Variants in NRXN1 observed in about 807,000 individuals in gnomAD.
NRXN1 encodes neurexin-1.
Under a neutral mutation model 150.9 loss-of-function variants are expected in NRXN1, and 39 were observed. The observed-to-expected ratio is 0.26, with a 90% CI of 0.20 to 0.34. The LOEUF (loss-of-function observed/expected upper bound fraction) is 0.34. Ranked by LOEUF, NRXN1 falls within the 10% of genes least tolerant of loss-of-function variation. The probability of loss-of-function intolerance (pLI) is 1.00; values close to 1 mark genes in which losing one functional copy is unlikely to be tolerated. For synonymous variants in NRXN1, 924 were observed against 757.0 expected (o/e 1.22, Z -3.62); for missense variants, 1,815 against 1,949.9 (o/e 0.93, Z 1.30).
intron 17 of NRXN1, among the ~76,000 whole-genome samples, chr2:50,434,863 C>G (rs6756479): frequency 0.29 from 44,260 of 151,796 alleles, 6,692 homozygotes; most frequent in East Asian, 0.4. Flanking sequence ...AACATGAAAA[C>G]TGCTGAGAAA....
intron 18 of NRXN1, among the ~76,000 whole-genome samples, chr2:50,162,015 A>G (rs17040064): frequency 0.19 from 29,349 of 152,122 alleles, 3,289 homozygotes; most frequent in East Asian, 0.41. Context: ...AAAAACAAGT[A>G]AGAGAATGAC....
chr2:50,748,606 G>T (rs1269292658), intron 5 of NRXN1, among the ~76,000 whole-genome samples: 1 of 152,018 alleles, frequency 6.6e-6, no homozygotes, highest in East Asian at 1.9e-4. Context: ...ACAGGGCTCC[G>T]TGGGCTTCCT....
At chr2:50,736,251 G>A (rs1302909888) in intron 5 of NRXN1, among the ~76,000 whole-genome samples, 1 of 151,980 alleles carries the variant, frequency 6.6e-6, no homozygotes, top group Non-Finnish European at 1.5e-5. Context: ...CTTGTCATCT[G>A]GTTCACCCCA....
intron 2 of NRXN1, among the ~76,000 whole-genome samples, chr2:50,963,319 T>C (rs1693504943): frequency 6.6e-6 from 1 of 151,448 alleles, no homozygotes; most frequent in South Asian, 2.1e-4. Context: ...GTCTACCTTC[T>C]CTCCTTCCCT....
At chr2:49,944,989 C>T (rs761230544) in intron 21 of NRXN1, 14 of 152,010 alleles carry the variant, frequency 9.2e-5, no homozygotes, top group Non-Finnish European at 1.0e-4. Context: ...AAAATGGAGA[C>T]GAGGGGTGAT....
intron 18 of NRXN1, among the ~76,000 whole-genome samples, chr2:50,151,062 T>C (rs1034213114): frequency 6.6e-6 from 1 of 151,622 alleles, no homozygotes; most frequent in African/African-American, 2.4e-5. Flanking sequence ...AGAAACTAAG[T>C]TTTTCACCTC....
chr2:50,422,034 A>G (rs149375466), intron 17 of NRXN1, among the ~76,000 whole-genome samples: 211 of 152,286 alleles, frequency 1.4e-3, no homozygotes, highest in African/African-American at 4.9e-3. Context: ...ATAATGAATT[A>G]TCTCTGACCT....
intron 2 of NRXN1, among the ~76,000 whole-genome samples, chr2:50,971,372 C>G (rs1429027471): frequency 3.9e-5 from 6 of 152,012 alleles, no homozygotes; most frequent in Non-Finnish European, 7.4e-5. Context: ...ATCACAAGGT[C>G]AGGAGTTTGA....
At chr2:50,908,012 T>C (rs988653956) in intron 5 of NRXN1, among the ~76,000 whole-genome samples, 5 of 152,114 alleles carry the variant, frequency 3.3e-5, no homozygotes, top group Non-Finnish European at 7.4e-5. Context: ...AAATAACTTA[T>C]ATTACAGGGC....
At position 50,084,193 on chromosome 2, in the gene NRXN1, G is replaced by A. The variant is rs561251393; in HGVS notation, c.3718+7130C>T. Among the ~76,000 whole-genome samples the A allele has an allele frequency of 2.0e-4, 31 of 152,312 alleles. 1 individual carries two copies. In the East Asian group the frequency reaches 4.7e-3, roughly 23 times the overall value. On this transcript the variant is annotated intron_variant, in intron 19 of 22. Coordinates refer to ENST00000401669, the MANE Select transcript of NRXN1 (RefSeq NM_001330078.2). Reference sequence around the variant, plus strand: ...TGGCTTCACCCAGCGTATCCCACACGGGGCGGCAGATGGAGCTGCCTGCCA... The same window carrying A: ...TGGCTTCACCCAGCGTATCCCACACAGGGCGGCAGATGGAGCTGCCTGCCA...
chr2:50,021,857 T>C lies in NRXN1; in HGVS notation c.4128+31414A>G, dbSNP rs146320519. On this transcript the variant is annotated intron_variant, in intron 21 of 22. Transcript: ENST00000401669. ...ACATATATGTTAATGGTAATATTTA[T>C]TTATTTATTTAGAGATGGAGTCTCG... Among the ~76,000 whole-genome samples the C allele has an allele frequency of 2.8e-3, 427 of 152,298 alleles. 1 individual carries two copies. Among genetic ancestry groups the C allele is most frequent in the Non-Finnish European group, 5.1e-3 (346 of 68,034 alleles).
At chr2:50,448,930 G>A (rs984603744) in intron 17 of NRXN1, among the ~76,000 whole-genome samples, 3 of 151,986 alleles carry the variant, frequency 2.0e-5, no homozygotes, top group Non-Finnish European at 4.4e-5. Flanking sequence ...AGACCTTCAG[G>A]AACAGCCTAT....
intron 21 of NRXN1, among the ~76,000 whole-genome samples, chr2:50,048,745 A>G (rs1021436902): frequency 2.6e-4 from 39 of 152,250 alleles, no homozygotes; most frequent in African/African-American, 8.7e-4. Flanking sequence ...CAATCTACCA[A>G]TGATATTTCT....
At chr2:50,412,719 T>C (rs557001936) in intron 17 of NRXN1, among the ~76,000 whole-genome samples, 13 of 152,304 alleles carry the variant, frequency 8.5e-5, no homozygotes, top group Non-Finnish European at 1.6e-4. Context: ...AGTCTGATTT[T>C]TGTAAAATAA....
intron 18 of NRXN1, among the ~76,000 whole-genome samples, chr2:50,228,785 G>C (rs779142794): frequency 6.6e-6 from 1 of 151,924 alleles, no homozygotes; most frequent in Non-Finnish European, 1.5e-5. Flanking sequence ...ATTCCAGGAA[G>C]AGCCCACCAT....
At chr2:50,683,547 G>A (rs1275785170) in intron 5 of NRXN1, among the ~76,000 whole-genome samples, 4 of 145,120 alleles carry the variant, frequency 2.8e-5, no homozygotes, top group Non-Finnish European at 4.5e-5. Flanking sequence ...CAGGATAATG[G>A]TGTGAACCCG....
intron 12 of NRXN1, among the ~76,000 whole-genome samples, chr2:50,525,616 C>A (rs777305679): frequency 6.6e-5 from 10 of 152,176 alleles, no homozygotes; most frequent in Non-Finnish European, 2.9e-5. Context: ...AACTGAGACT[C>A]GTCTGGGATT....
chr2:50,417,245 G>A (rs1366872557), intron 17 of NRXN1: 1 of 152,108 alleles, frequency 6.6e-6, no homozygotes, highest in Non-Finnish European at 1.5e-5. Flanking sequence ...GGAAGACAGT[G>A]TGCTCTTGAT....
At chr2:51,006,611 T>A (rs1033760307) in intron 2 of NRXN1, among the ~76,000 whole-genome samples, 5 of 151,874 alleles carry the variant, frequency 3.3e-5, no homozygotes, top group African/African-American at 1.2e-4. Context: ...CTTCTGTTAC[T>A]CTCTATTTTT....
Sources: gnomAD v4.1 joint callset for allele counts (sites outside exome capture counted in the v4.1 genomes callset) on GRCh38, gnomAD v4.1.1 for gene constraint, MANE v1.5 for transcripts, NCBI Gene and HGNC (gene_info 2026-07-23, HGNC 2026-07-21) for gene names.